Variants in RAD18 observed in about 807,000 individuals in gnomAD.
The protein encoded by RAD18 is RAD18 E3 ubiquitin protein ligase.
Under a neutral mutation model 60.4 loss-of-function variants are expected in RAD18, and 47 were observed. That is an observed-to-expected ratio of 0.78 (90% CI 0.62 to 0.99). The LOEUF is 0.99. Among genes scored for constraint, RAD18 ranks in the 50% least tolerant of loss-of-function variants. RAD18 has a pLI of 0.00. For synonymous variants in RAD18, 225 were observed against 195.5 expected (o/e 1.15, Z -1.26); for missense variants, 640 against 593.3 (o/e 1.08, Z -0.82).
chr3:8,939,805 G>A, intron 5 of RAD18, 152 bp from the exon 6 acceptor site: 1 of 623,662 alleles, frequency 1.6e-6, no homozygotes. Context: ...GGCCCATCGG[G>A]ACAACAGGAG....
At chr3:8,928,659 T>C (rs963048746) in intron 7 of RAD18, among the ~76,000 whole-genome samples, 7 of 152,178 alleles carry the variant, frequency 4.6e-5, no homozygotes, top group Non-Finnish European at 8.8e-5. Flanking sequence ...GAAAAATCTA[T>C]AAATATAGTT....
chr3:8,949,378 T>C (rs1033676746), intron 2 of RAD18, among the ~76,000 whole-genome samples: 4 of 152,170 alleles, frequency 2.6e-5, no homozygotes, highest in South Asian at 2.1e-4. Flanking sequence ...GACAGCATAA[T>C]TTCAATGGTA....
At chr3:8,936,135 T>G in intron 6 of RAD18, 80 bp from the exon 7 acceptor site, 1 of 1,312,598 alleles carries the variant, frequency 7.6e-7, no homozygotes, top group Non-Finnish European at 1.0e-6. Flanking sequence ...AAATTCTGAT[T>G]CAACACCTGG....
At chr3:8,883,089 G>T (rs1425131554) in intron 12 of RAD18, among the ~76,000 whole-genome samples, 3 of 152,174 alleles carry the variant, frequency 2.0e-5, no homozygotes, top group Admixed American at 1.3e-4. Flanking sequence ...GATACAAAGA[G>T]AAAAAGGAGT....
chr3:8,884,542 G>T (rs1484996913), intron 12 of RAD18, among the ~76,000 whole-genome samples: 8 of 151,848 alleles, frequency 5.3e-5, no homozygotes, highest in Non-Finnish European at 1.2e-4. Flanking sequence ...GTTTTAGTGG[G>T]ATGTTCCTCC....
chr3:8,927,827 G>T (rs1361564711), intron 7 of RAD18, among the ~76,000 whole-genome samples: 1 of 151,434 alleles, frequency 6.6e-6, no homozygotes. Flanking sequence ...GCCAAACACC[G>T]CATGTTCTCA....
chr3:8,953,057 GA>G (rs897399064), intron 2 of RAD18, among the ~76,000 whole-genome samples: 5 of 151,778 alleles, frequency 3.3e-5, no homozygotes, highest in African/African-American at 1.2e-4. Flanking sequence ...TCGTAAAGTT[GA>G]AAAATCCTAA....
At chr3:8,900,702 C>T (rs571341774) in intron 10 of RAD18, among the ~76,000 whole-genome samples, 7 of 152,214 alleles carry the variant, frequency 4.6e-5, no homozygotes, top group African/African-American at 1.4e-4. Flanking sequence ...ATGAGCACTT[C>T]AATGTTCTAA....
chr3:8,940,074 G>A (rs1249216007), intron 5 of RAD18, among the ~76,000 whole-genome samples: 2 of 152,226 alleles, frequency 1.3e-5, no homozygotes, highest in Non-Finnish European at 2.9e-5. Context: ...GCCGAGTGAA[G>A]GAAAGGTAGT....
At chr3:8,885,165 C>T (rs1018692703) in intron 12 of RAD18, among the ~76,000 whole-genome samples, 3 of 152,160 alleles carry the variant, frequency 2.0e-5, no homozygotes, top group African/African-American at 7.2e-5. Context: ...TAGAAAGAAT[C>T]TCTTGGTGTG....
At chr3:8,919,815 T>C (rs952712631) in intron 7 of RAD18, among the ~76,000 whole-genome samples, 2 of 148,816 alleles carry the variant, frequency 1.3e-5, no homozygotes, top group African/African-American at 5.0e-5. Flanking sequence ...TATCTTGTTA[T>C]GTTAGAAATA....
chr3:8,945,702 C>A, intron 4 of RAD18, among the ~76,000 whole-genome samples: 1 of 151,962 alleles, frequency 6.6e-6, no homozygotes. Flanking sequence ...GATCTCCTGA[C>A]CTCGTGATCC....
At chr3:8,956,820 A>C (rs1941022553) in intron 2 of RAD18, among the ~76,000 whole-genome samples, 2 of 151,812 alleles carry the variant, frequency 1.3e-5, no homozygotes, top group African/African-American at 4.9e-5. Flanking sequence ...ATGAAAACAT[A>C]TTAAGAATAT....
rs534836771 is a variant in RAD18 at position 8,899,868 on chromosome 3, A to C, written c.1169-821T>G. Reference sequence around the variant, plus strand: ...CACATGCAAGCTACATGTGCTAATAATACTACAGAGCTCCTTTCATGTGTT... The same window carrying C: ...CACATGCAAGCTACATGTGCTAATACTACTACAGAGCTCCTTTCATGTGTT... On this transcript the variant is annotated intron_variant, in intron 10 of 12. Coordinates refer to ENST00000264926, the MANE Select transcript of RAD18 (RefSeq NM_020165.4). Among the ~76,000 whole-genome samples the C allele has an allele frequency of 3.3e-5, 5 of 152,300 alleles. No individual in the cohort carries two copies. The South Asian group carries it at 8.3e-4, about 25-fold the overall frequency.
intron 7 of RAD18, among the ~76,000 whole-genome samples, chr3:8,920,124 T>A (rs936545682): frequency 1.3e-5 from 2 of 151,792 alleles, no homozygotes; most frequent in East Asian, 3.9e-4. Flanking sequence ...TTACTAAAAA[T>A]ACAAAACATT....
At chr3:8,925,851 A>G (rs1236836148) in intron 7 of RAD18, among the ~76,000 whole-genome samples, 2 of 152,246 alleles carry the variant, frequency 1.3e-5, no homozygotes, top group African/African-American at 4.8e-5. Context: ...GCATTTGACA[A>G]AATTCAACAG....
chr3:8,947,144 A>C, intron 4 of RAD18, 76 bp downstream of exon 4: 1 of 1,117,946 alleles, frequency 8.9e-7, no homozygotes, highest in Non-Finnish European at 1.3e-6. Flanking sequence ...CCCTAATCCA[A>C]AGGTGCACAA....
At chr3:8,925,861 G>A (rs1022010706) in intron 7 of RAD18, among the ~76,000 whole-genome samples, 7 of 152,110 alleles carry the variant, frequency 4.6e-5, no homozygotes, top group Non-Finnish European at 1.0e-4. Flanking sequence ...AAATTCAACA[G>A]CCCTTCATGC....
chr3:8,924,466 GACTTTA>G (rs1190657872), intron 7 of RAD18, among the ~76,000 whole-genome samples: 1 of 143,436 alleles, frequency 7.0e-6, no homozygotes, highest in African/African-American at 2.6e-5. Context: ...AATAATGGGA[GACTTTA>G]ACACCCCACT....
Sources: gnomAD v4.1 joint callset for allele counts (sites outside exome capture counted in the v4.1 genomes callset) on GRCh38, gnomAD v4.1.1 for gene constraint, MANE v1.5 for transcripts, NCBI Gene and HGNC (gene_info 2026-07-23, HGNC 2026-07-21) for gene names.